The following TRPM3 variants were observed in gnomAD, a reference collection of about 807,000 sequenced individuals.
TRPM3 encodes the protein transient receptor potential cation channel subfamily M member 3, also known as long transient receptor potential channel 3.
A neutral mutation model predicts 181.2 loss-of-function variants in TRPM3; 77 were observed. That is an observed-to-expected ratio of 0.42 (90% CI 0.35 to 0.51). The LOEUF (loss-of-function observed/expected upper bound fraction) is 0.51, where lower values mean the gene tolerates loss of function less well. Among genes scored for constraint, TRPM3 ranks in the 20% least tolerant of loss-of-function variants. The pLI, the probability that TRPM3 is intolerant of heterozygous loss-of-function variation, is 0.01. For synonymous variants in TRPM3, 745 were observed against 796.4 expected, an observed-to-expected ratio of 0.94 and a Z score of 1.09; for missense variants, 1,759 against 2,196.7, an observed-to-expected ratio of 0.80 and a Z score of 3.98.
At chr9:71,164,839 C>T (rs1448799808) in intron 1 of TRPM3, among the ~76,000 whole-genome samples, 1 of 152,138 alleles carries the variant, frequency 6.6e-6, no homozygotes, top group East Asian at 1.9e-4. Flanking sequence ...TGACTCTTAC[C>T]TTTGGCAGGA....
intron 1 of TRPM3, among the ~76,000 whole-genome samples, chr9:71,189,061 C>T (rs1289307669): frequency 6.6e-6 from 1 of 151,724 alleles, no homozygotes; most frequent in Admixed American, 6.6e-5. Flanking sequence ...TCAATATGTG[C>T]CAATACCACT....
rs1355999904 is a variant in TRPM3 at position 70,750,483 on chromosome 9, T to C, written c.1272+11118A>G. 1.3e-5 allele frequency among the ~76,000 whole-genome samples: 2 copies of C among 151,500 alleles called. 1 individual carries two copies. The highest frequency in any genetic ancestry group is 4.9e-5 in the African/African-American group (2 of 41,198). ...GCCTCAAGCATCAAGCCTGGAGGAG[T>C]GTTTGGAATAGCTTGGAGGACAGAC... On this transcript the variant is annotated intron_variant, in intron 8 of 25. Coordinates refer to ENST00000677713, the MANE Select transcript of TRPM3 (RefSeq NM_001366145.2).
chr9:71,301,380 T>C (rs1318287746), intron 1 of TRPM3, among the ~76,000 whole-genome samples: 1 of 152,182 alleles, frequency 6.6e-6, no homozygotes, highest in African/African-American at 2.4e-5. Flanking sequence ...GCTTTACACA[T>C]TGATTACTCC....
At chr9:70,823,581 AC>A (rs1217111605) in intron 6 of TRPM3, among the ~76,000 whole-genome samples, 1 of 152,228 alleles carries the variant, frequency 6.6e-6, no homozygotes, top group African/African-American at 2.4e-5. Flanking sequence ...GTGCATGCAC[AC>A]AAGTGCACTG....
chr9:71,372,937 C>T (rs934688122), intron 1 of TRPM3, among the ~76,000 whole-genome samples: 2 of 152,042 alleles, frequency 1.3e-5, no homozygotes, highest in Non-Finnish European at 2.9e-5. Flanking sequence ...CAGACAACAG[C>T]ACAATCAAAT....
At chr9:70,854,236 GTTTTGTCCCCTGAGCAT>G (rs2095324558) in intron 3 of TRPM3, among the ~76,000 whole-genome samples, 1 of 152,194 alleles carries the variant, frequency 6.6e-6, no homozygotes, top group East Asian at 1.9e-4. Flanking sequence ...AGCATGCTCA[GTTTTGTCCCCTGAGCAT>G]TACTCTGATG....
At chr9:71,089,121 A>C (rs982365165) in intron 1 of TRPM3, among the ~76,000 whole-genome samples, 1 of 147,558 alleles carries the variant, frequency 6.8e-6, no homozygotes, top group Non-Finnish European at 1.5e-5. Context: ...TATATATTGT[A>C]TATATCATAT....
intron 7 of TRPM3, among the ~76,000 whole-genome samples, chr9:70,762,624 A>G (rs1480464481): frequency 6.6e-6 from 1 of 152,234 alleles, no homozygotes; most frequent in African/African-American, 2.4e-5. Flanking sequence ...TTTACAGATT[A>G]CAAATTGCTT....
chr9:71,328,080 A>C (rs1477631102), intron 1 of TRPM3, among the ~76,000 whole-genome samples: 2 of 150,532 alleles, frequency 1.3e-5, no homozygotes, highest in East Asian at 3.9e-4. Flanking sequence ...AAAAAAAAAA[A>C]CAAAAAAAAA....
chr9:71,339,926 G>A (rs1309526973), intron 1 of TRPM3, among the ~76,000 whole-genome samples: 1 of 152,098 alleles, frequency 6.6e-6, no homozygotes, highest in Non-Finnish European at 1.5e-5. Context: ...TTCAGACAGT[G>A]TCAAACAAAT....
intron 1 of TRPM3, among the ~76,000 whole-genome samples, chr9:71,430,379 G>C (rs915166242): frequency 6.6e-6 from 1 of 152,180 alleles, no homozygotes; most frequent in Non-Finnish European, 1.5e-5. Flanking sequence ...AGATGGGAAA[G>C]AATGGATGGA....
At position 71,282,377 on chromosome 9, in the gene TRPM3, A is replaced by C. The variant is rs142409105; in HGVS notation, c.183+164276T>G. Reference sequence around the variant, plus strand: ...AGAAAGAAAAAGAAAGAATGAAAGAAAGAAAGAAAGGAAAGAAAGAAAGGA... The same window carrying C: ...AGAAAGAAAAAGAAAGAATGAAAGACAGAAAGAAAGGAAAGAAAGAAAGGA... On this transcript the variant is annotated intron_variant, in intron 1 of 24. Transcript: ENST00000357533. Among the ~76,000 whole-genome samples, 13 of 134,282 alleles carry C rather than the reference A, an allele frequency of 9.7e-5. 2 individuals carry two copies. Among genetic ancestry groups the C allele is most frequent in the African/African-American group, 3.9e-4 (12 of 30,904 alleles). The allele number at this position is 134,282 out of a possible 152,430, so 88.1% of individuals were successfully genotyped here.
intron 6 of TRPM3, among the ~76,000 whole-genome samples, chr9:70,801,355 C>G (rs1203930044): frequency 6.6e-6 from 1 of 152,168 alleles, no homozygotes; most frequent in African/African-American, 2.4e-5. Flanking sequence ...GTTTCTCGCT[C>G]CGTCTAAATC....
chr9:71,090,786 A>G (rs1300962248), intron 1 of TRPM3, among the ~76,000 whole-genome samples: 4 of 152,188 alleles, frequency 2.6e-5, no homozygotes, highest in African/African-American at 9.7e-5. Flanking sequence ...AAATAAGAAT[A>G]ATGACTACCT....
chr9:70,537,451 G>C, intron 25 of TRPM3, 46 bp from the exon 26 acceptor site: 1 of 1,402,306 alleles, frequency 7.1e-7, no homozygotes, highest in Non-Finnish European at 9.3e-7. Flanking sequence ...TGGTTCCTCT[G>C]CTGGGGCTTT....
At chr9:70,865,950 G>T (rs2095641668) in intron 1 of TRPM3, among the ~76,000 whole-genome samples, 1 of 152,012 alleles carries the variant, frequency 6.6e-6, no homozygotes. Flanking sequence ...GGTAACATTT[G>T]CAGTTTTGCC....
At chr9:71,114,158 T>C (rs2071758179) in intron 1 of TRPM3, among the ~76,000 whole-genome samples, 1 of 152,182 alleles carries the variant, frequency 6.6e-6, no homozygotes, top group Admixed American at 6.5e-5. Flanking sequence ...TACCTATGCA[T>C]TAAACCTTGA....
At chr9:71,348,489 C>A (rs966388627) in intron 1 of TRPM3, among the ~76,000 whole-genome samples, 3 of 149,914 alleles carry the variant, frequency 2.0e-5, no homozygotes, top group African/African-American at 7.3e-5. Flanking sequence ...GAAATTGTTT[C>A]AAAAATTCTG....
chr9:70,860,664 A>G (rs191306714), intron 3 of TRPM3, among the ~76,000 whole-genome samples: 25 of 152,320 alleles, frequency 1.6e-4, no homozygotes, highest in African/African-American at 5.5e-4. Flanking sequence ...ATTAACTGAA[A>G]AAGTGTAATT....
Sources: allele counts gnomAD v4.1 joint callset (sites outside exome capture counted in the v4.1 genomes callset), GRCh38; gene constraint gnomAD v4.1.1; transcripts MANE v1.5; gene names NCBI Gene and HGNC (gene_info 2026-07-23, HGNC 2026-07-21).